LAMB3: variants seen among roughly 807,000 people sequenced by gnomAD.
LAMB3 encodes laminin subunit beta 3.
LAMB3 carries 104 observed loss-of-function variants against 140.3 expected under a neutral mutation model. The observed-to-expected ratio is 0.74, with a 90% confidence interval of 0.63 to 0.87. The LOEUF (loss-of-function observed/expected upper bound fraction) is 0.87, where lower values mean the gene tolerates loss of function less well. Among genes scored for constraint, LAMB3 ranks in the 40% least tolerant of loss-of-function variants. The pLI is 0.00. For missense variants in LAMB3, 1,531 were observed against 1,575.2 expected, an observed-to-expected ratio of 0.97 and a Z score of 0.47; for synonymous variants, 592 against 602.9, an observed-to-expected ratio of 0.98 and a Z score of 0.26.
rs1457282541 is a variant in LAMB3 at position 209,632,645 on chromosome 1, C to T, written c.760G>A (p.Gly254Ser). Residue 254 changes from glycine to serine, a missense_variant, in exon 8 of 23, where the codon GGC becomes AGC. Physicochemically the swap from Gly to Ser is moderately conservative, Grantham distance 56. Transcript: ENST00000356082. ...TTGGGTGCGCAGCGATCAGCATGGC[C>T]GTGACAGAAGCAGCTCCCCTGCAGA... is the stretch of plus-strand genomic sequence containing the variant. The part of the protein sequence containing the change: ...LRLQGSCFCH[G>S]HADRCAPKPG... 3.7e-6 allele frequency: 6 copies of T among 1,613,992 alleles called. No homozygotes were observed. The highest frequency in any genetic ancestry group is 1.3e-5 in the African/African-American group (1 of 74,898).
chr1:209,638,525 AATGCTC>A lies in LAMB3; in HGVS notation c.298+3_298+8del, dbSNP rs1325194123. 2 of 1,567,332 alleles carry A rather than the reference AATGCTC, an allele frequency of 1.3e-6. No homozygotes were observed. The highest frequency in any genetic ancestry group is 1.7e-5 in the Admixed American group (1 of 59,986). On this transcript the variant is annotated splice_donor_5th_base_variant and intron_variant, in intron 4 of 22. Coordinates refer to ENST00000356082, the MANE Select transcript of LAMB3 (RefSeq NM_000228.3). ...ACAGTTTGAGTTCCCGTAGATGGCAAATGCTCACCATTCTGTGACTGCCACCAGCGC... is the reference window on the plus strand; with the variant it reads ...ACAGTTTGAGTTCCCGTAGATGGCAAACCATTCTGTGACTGCCACCAGCGC...
At chr1:209,638,420 G>T in intron 4 of LAMB3, 114 bp downstream of exon 4, 1 of 750,702 alleles carries the variant, frequency 1.3e-6, no homozygotes. Flanking sequence ...AATCACCCAT[G>T]TCACACCACC....
At chr1:209,645,025 C>T (rs977656486) in intron 3 of LAMB3, among the ~76,000 whole-genome samples, 4 of 152,200 alleles carry the variant, frequency 2.6e-5, no homozygotes, top group African/African-American at 4.8e-5. Context: ...TTCGGGCCTT[C>T]CCATTTCACA....
At chr1:209,647,698 T>C (rs772435638) in intron 3 of LAMB3, among the ~76,000 whole-genome samples, 24 of 152,126 alleles carry the variant, frequency 1.6e-4, no homozygotes, top group Non-Finnish European at 7.4e-5. Context: ...CATTTCTGGC[T>C]GTGGCTGTCC....
intron 20 of LAMB3, 139 bp from the exon 21 acceptor site, chr1:209,617,725 CCTT>C: frequency 8.2e-7 from 1 of 1,225,690 alleles, no homozygotes; most frequent in Non-Finnish European, 1.2e-6. Flanking sequence ...TCTCACCCCT[CCTT>C]CTGCATCCCA....
rs777509055 is a variant in LAMB3 at position 209,630,574 on chromosome 1, G to C, written c.943+41C>G. The C allele has an allele frequency of 6.0e-5, 97 of 1,612,120 alleles. 2 individuals are homozygous for C. The South Asian group carries it at 8.4e-4, about 14-fold the overall frequency. On this transcript the variant is annotated intron_variant, in intron 9 of 22. Coordinates refer to ENST00000356082, the MANE Select transcript of LAMB3 (RefSeq NM_000228.3). Reference sequence around the variant, plus strand: ...TCAAGGCCTAGAGGGGCCAGCACTCGACCCAGACCCTACAGGGGAGGGGTG... The same window carrying C: ...TCAAGGCCTAGAGGGGCCAGCACTCCACCCAGACCCTACAGGGGAGGGGTG...
At chr1:209,628,003 C>T in intron 11 of LAMB3, 32 bp downstream of exon 11, 1 of 1,576,432 alleles carries the variant, frequency 6.3e-7, no homozygotes, top group Non-Finnish European at 8.6e-7. Context: ...GCAGCCCACC[C>T]CACGTCATGC....
In LAMB3 at chr1:209,645,297, G is replaced by A. The variant is rs113911921; in HGVS notation, c.183+4667C>T. ...GAATGGCAGGTCATAGATTGATATGGTGCTTTTCTCAAGGCTATCTGTGTT... is the reference window on the plus strand; with the variant it reads ...GAATGGCAGGTCATAGATTGATATGATGCTTTTCTCAAGGCTATCTGTGTT... On this transcript the variant is annotated intron_variant, in intron 3 of 22. Coordinates refer to ENST00000356082, the MANE Select transcript of LAMB3 (RefSeq NM_000228.3). Among the ~76,000 whole-genome samples, 464 of 152,236 alleles carry A rather than the reference G, an allele frequency of 3.0e-3. 1 individual carries two copies. Among genetic ancestry groups the A allele is most frequent in the Non-Finnish European group, 4.7e-3 (323 of 68,030 alleles).
At chr1:209,617,728 T>C (rs1666025122) in intron 20 of LAMB3, 142 bp from the exon 21 acceptor site, 1 of 1,238,052 alleles carries the variant, frequency 8.1e-7, no homozygotes, top group Admixed American at 1.9e-5. Flanking sequence ...CACCCCTCCT[T>C]CTGCATCCCA....
Position 209,628,022 on chromosome 1 carries a change from G to GC in LAMB3, c.1288+12dup, listed in dbSNP as rs1388437546. The GC allele has an allele frequency of 3.1e-6, 5 of 1,594,872 alleles. No homozygotes were observed. In the East Asian group the frequency reaches 1.1e-4, roughly 36 times the overall value. On this transcript the variant is annotated intron_variant, in intron 11 of 22. Transcript: ENST00000356082. ...CCCACCCCACGTCATGCTGGGCCAA[G>GC]CCCCCTACTCACGGTGGCAGCCCTG...
chr1:209,628,765 A>G (rs1474923052), intron 10 of LAMB3, among the ~76,000 whole-genome samples: 1 of 152,196 alleles, frequency 6.6e-6, no homozygotes, highest in East Asian at 1.9e-4. Context: ...TATTTGGCAC[A>G]TGCTAAGTAC....
At chr1:209,629,620 A>G in intron 10 of LAMB3, 117 bp downstream of exon 10, 2 of 982,620 alleles carry the variant, frequency 2.0e-6, no homozygotes, top group Middle Eastern at 2.1e-4. Context: ...ACTCACAGCC[A>G]AGTTTTCATG....
intron 19 of LAMB3, 103 bp from the exon 20 acceptor site, chr1:209,618,151 C>A (rs1666050503): frequency 2.1e-6 from 3 of 1,451,212 alleles, no homozygotes. Context: ...CCCTTCCCAG[C>A]CAAGGCAAAG....
At chr1:209,626,151 G>C in intron 13 of LAMB3, 125 bp from the exon 14 acceptor site, 2 of 1,062,700 alleles carry the variant, frequency 1.9e-6, no homozygotes, top group Non-Finnish European at 2.7e-6. Context: ...AACAGAAGTC[G>C]CAGCCAGAAT....
Position 209,624,002 on chromosome 1 carries a change from T to G in LAMB3, c.1977-2A>C. 6.2e-7 allele frequency: 1 copy of G among 1,612,322 alleles called. No homozygotes were observed. The highest frequency in any genetic ancestry group is 1.7e-4 in the Middle Eastern group (1 of 5,928). On this transcript the variant is annotated splice_acceptor_variant, in intron 14 of 22. Coordinates refer to ENST00000356082, the MANE Select transcript of LAMB3 (RefSeq NM_000228.3). LOFTEE classifies it high-confidence loss of function. Reference sequence around the variant, plus strand: ...AGCTGCAGGCCCTGGAGAGTTCGCCTGAGAAGGGAGAGGAGCTTACACTAA... The same window carrying G: ...AGCTGCAGGCCCTGGAGAGTTCGCCGGAGAAGGGAGAGGAGCTTACACTAA...
rs911221908 is a variant in LAMB3 at position 209,617,902 on chromosome 1, C to G, written c.3051+5G>C. 2 of 1,614,094 alleles carry G rather than the reference C, an allele frequency of 1.2e-6. No individual in the cohort carries two copies. Among genetic ancestry groups the G allele is most frequent in the African/African-American group, 2.7e-5 (2 of 74,924 alleles). Reference sequence around the variant, plus strand: ...ATATGGGCGGAGGAAGCCATAATGCCTCACCTCAGCAACCCTGTCCTGGAT... The same window carrying G: ...ATATGGGCGGAGGAAGCCATAATGCGTCACCTCAGCAACCCTGTCCTGGAT... On this transcript the variant is annotated splice_donor_5th_base_variant and intron_variant, in intron 20 of 22. Coordinates refer to ENST00000356082, the MANE Select transcript of LAMB3 (RefSeq NM_000228.3).
chr1:209,641,053 AGCCTGGGCAACAGAGC>A (rs2102451079), intron 3 of LAMB3, among the ~76,000 whole-genome samples: 1 of 148,868 alleles, frequency 6.7e-6, no homozygotes, highest in South Asian at 2.1e-4. Flanking sequence ...ACTGCACTCC[AGCCTGGGCAACAGAGC>A]GAGACTCTGT....
intron 22 of LAMB3, 145 bp from the exon 23 acceptor site, chr1:209,615,552 G>T: frequency 1.1e-6 from 1 of 906,300 alleles, no homozygotes; most frequent in African/African-American, 1.7e-5. Context: ...AAGCAGTGGT[G>T]CCCCTCCAGC....
chr1:209,627,390 C>T lies in LAMB3; in HGVS notation c.1478G>A (p.Cys493Tyr). The T allele has an allele frequency of 1.2e-6, 2 of 1,612,964 alleles. No homozygotes were observed. The highest frequency in any genetic ancestry group is 8.5e-7 in the Non-Finnish European group (1 of 1,179,392). ...CDPHNSLSPQ[C>Y]NQFTGQCPCR... ...ACCACCCTCACTTCGTACCTGGTTG[C>T]ACTGTGGGCTGAGGGAGTTGTGCGG... Residue 493 changes from cysteine (C) to tyrosine (Y), a missense_variant, in exon 12 of 23, where the codon TGC becomes TAC. Cys to Tyr is a radical substitution (Grantham distance 194). Transcript: ENST00000356082.
Sources: gnomAD v4.1 joint callset for allele counts (sites outside exome capture counted in the v4.1 genomes callset) on GRCh38, gnomAD v4.1.1 for gene constraint, MANE v1.5 for transcripts, NCBI Gene and HGNC (gene_info 2026-07-23, HGNC 2026-07-21) for gene names.